The following BLK variants were observed in gnomAD, a reference collection of about 807,000 sequenced individuals.
BLK encodes BLK proto-oncogene, Src family tyrosine kinase.
BLK carries 64 observed loss-of-function variants against 61.8 expected under a neutral mutation model. That is an observed-to-expected ratio of 1.03 (90% CI 0.85 to 1.27). The LOEUF (loss-of-function observed/expected upper bound fraction) is 1.27. BLK is among the 50% of genes most tolerant of loss of function. The pLI, the probability that BLK is intolerant of heterozygous loss-of-function variation, is 0.00. For synonymous variants in BLK, 351 were observed against 272.0 expected (o/e 1.29, Z -2.86); for missense variants, 853 against 660.5 (o/e 1.29, Z -3.19).
chr8:11,515,635 A>T (rs1394229625), intron 1 of BLK, among the ~76,000 whole-genome samples: 1 of 152,030 alleles, frequency 6.6e-6, no homozygotes, highest in Non-Finnish European at 1.5e-5. Context: ...CTGTCTTTAG[A>T]GGCCAGTCAC....
rs1402372828 is a variant in BLK at position 11,548,759 on chromosome 8, T to C, written c.270-265T>C. ...CTCACCAAGCTCTGAACACGTCCCATTCATCAAGAGGAAGGCTGCTGGCTG... is the reference window on the plus strand; with the variant it reads ...CTCACCAAGCTCTGAACACGTCCCACTCATCAAGAGGAAGGCTGCTGGCTG... On this transcript the variant is annotated intron_variant, in intron 4 of 12. Transcript: ENST00000259089. Among the ~76,000 whole-genome samples the C allele has an allele frequency of 2.0e-5, 3 of 152,330 alleles. No individual in the cohort carries two copies. The East Asian group carries it at 5.8e-4, about 29-fold the overall frequency.
intron 1 of BLK, among the ~76,000 whole-genome samples, chr8:11,516,570 C>G (rs1799237177): frequency 6.6e-6 from 1 of 152,166 alleles, no homozygotes; most frequent in African/African-American, 2.4e-5. Flanking sequence ...TTATAGCAGC[C>G]CTGTTAAACT....
At chr8:11,533,032 C>T (rs140921182) in intron 1 of BLK, among the ~76,000 whole-genome samples, 7 of 152,324 alleles carry the variant, frequency 4.6e-5, no homozygotes, top group African/African-American at 1.7e-4. Context: ...ACATGAAAAG[C>T]ATGCAGTAAA....
intron 1 of BLK, among the ~76,000 whole-genome samples, chr8:11,530,588 A>G (rs1255370876): frequency 4.6e-5 from 7 of 152,240 alleles, no homozygotes; most frequent in Admixed American, 1.3e-4. Flanking sequence ...TAATTTCCAA[A>G]TTCTGGAGAA....
At chr8:11,536,811 C>A (rs1800151731) in intron 1 of BLK, among the ~76,000 whole-genome samples, 1 of 152,212 alleles carries the variant, frequency 6.6e-6, no homozygotes, top group South Asian at 2.1e-4. Flanking sequence ...CGTTTTCTCC[C>A]AGGTGGAAGT....
intron 1 of BLK, among the ~76,000 whole-genome samples, chr8:11,525,491 CT>C (rs34003184): frequency 1 from 152,325 of 152,326 alleles, 76,162 homozygotes; most frequent in Middle Eastern, 1. Context: ...GCAATTTACT[CT>C]TTTCATGTAA....
chr8:11,561,542 T>A, intron 11 of BLK, 90 bp downstream of exon 11: 3 of 1,511,212 alleles, frequency 2.0e-6, no homozygotes, highest in Non-Finnish European at 2.7e-6. Context: ...AGCACAGCCC[T>A]GAGGGAAGAC....
At chr8:11,514,530 G>A (rs1015882096) in intron 1 of BLK, among the ~76,000 whole-genome samples, 3 of 152,214 alleles carry the variant, frequency 2.0e-5, no homozygotes, top group Non-Finnish European at 4.4e-5. Context: ...GCAGTGAGGG[G>A]AACAGCTGGG....
chr8:11,562,979 G>T lies in BLK; in HGVS notation c.1181G>T (p.Gly394Val), dbSNP rs1281969656. The T allele has an allele frequency of 6.2e-7, 1 of 1,614,062 alleles. No homozygotes were observed. The highest frequency in any genetic ancestry group is 8.5e-7 in the Non-Finnish European group (1 of 1,180,014). Residue 394 changes from glycine (G) to valine (V), a missense_variant and splice_region_variant, in exon 12 of 13, where the codon GGG becomes GTG. Coordinates refer to ENST00000259089, the MANE Select transcript of BLK (RefSeq NM_001715.3). ...IIDSEYTAQE[G>V]AKFPIKWTAP... ...AAAGCTTGCATGGCTTTTCCCACAGGGGCCAAGTTCCCCATCAAGTGGACA... is the reference window on the plus strand; with the variant it reads ...AAAGCTTGCATGGCTTTTCCCACAGTGGCCAAGTTCCCCATCAAGTGGACA...
chr8:11,541,128 A>ATGG (rs1800359177), intron 1 of BLK, among the ~76,000 whole-genome samples: 1 of 152,136 alleles, frequency 6.6e-6, no homozygotes, highest in East Asian at 1.9e-4. Flanking sequence ...TTAGTAGGGC[A>ATGG]TGGTAGCACA....
intron 1 of BLK, among the ~76,000 whole-genome samples, chr8:11,503,751 ACT>A (rs1798654368): frequency 6.6e-6 from 1 of 151,950 alleles, no homozygotes; most frequent in African/African-American, 2.4e-5. Flanking sequence ...GGAAGAGGTC[ACT>A]CTGTCCTCTT....
At chr8:11,527,583 T>A (rs1173644540) in intron 1 of BLK, among the ~76,000 whole-genome samples, 1 of 151,962 alleles carries the variant, frequency 6.6e-6, no homozygotes, top group East Asian at 1.9e-4. Context: ...AGGTCAGGAC[T>A]TTTATGGACA....
intron 1 of BLK, among the ~76,000 whole-genome samples, chr8:11,504,412 A>AAAAG (rs149656194): frequency 5.3e-4 from 75 of 140,900 alleles, no homozygotes; most frequent in African/African-American, 2.0e-3. Context: ...AAAAGAAAAG[A>AAAAG]AAAAAAAAAG....
intron 1 of BLK, among the ~76,000 whole-genome samples, chr8:11,507,172 A>G (rs1798805320): frequency 6.6e-6 from 1 of 152,214 alleles, no homozygotes; most frequent in South Asian, 2.1e-4. Context: ...GCCAGGAGCC[A>G]AGTAACAACA....
chr8:11,501,884 A>T (rs1798574879), intron 1 of BLK, among the ~76,000 whole-genome samples: 1 of 152,250 alleles, frequency 6.6e-6, no homozygotes, highest in Non-Finnish European at 1.5e-5. Flanking sequence ...GTTTTTCAAT[A>T]TTCAGAAAAG....
intron 1 of BLK, among the ~76,000 whole-genome samples, chr8:11,506,267 A>T (rs1371294175): frequency 6.6e-6 from 1 of 152,204 alleles, no homozygotes; most frequent in Non-Finnish European, 1.5e-5. Context: ...CTAGGGGAGG[A>T]CAATGCCAGG....
At chr8:11,538,997 T>C (rs1489056438) in intron 1 of BLK, among the ~76,000 whole-genome samples, 3 of 152,112 alleles carry the variant, frequency 2.0e-5, no homozygotes, top group Non-Finnish European at 4.4e-5. Flanking sequence ...TGAAGTCTTA[T>C]AATCCAAAAT....
intron 1 of BLK, among the ~76,000 whole-genome samples, chr8:11,505,572 C>G (rs765273460): frequency 2.0e-5 from 3 of 152,210 alleles, no homozygotes; most frequent in Non-Finnish European, 2.9e-5. Context: ...TCAGGCCCTC[C>G]CCCTTCTAGA....
intron 1 of BLK, among the ~76,000 whole-genome samples, chr8:11,538,085 C>T (rs1374161570): frequency 2.0e-5 from 3 of 152,284 alleles, no homozygotes; most frequent in South Asian, 2.1e-4. Context: ...CACACACACA[C>T]ATATATACAC....
Sources: gnomAD v4.1 joint callset for allele counts (sites outside exome capture counted in the v4.1 genomes callset) on GRCh38, gnomAD v4.1.1 for gene constraint, MANE v1.5 for transcripts, NCBI Gene and HGNC (gene_info 2026-07-23, HGNC 2026-07-21) for gene names.